The following ABHD17C variants were observed in gnomAD, a reference collection of about 807,000 sequenced individuals.
ABHD17C encodes the protein alpha/beta hydrolase domain-containing protein 17C.
ABHD17C carries 11 observed loss-of-function variants against 27.9 expected under a neutral mutation model. The ratio of observed to expected loss-of-function variants is 0.39; its 90% CI spans 0.25 to 0.65. The LOEUF (loss-of-function observed/expected upper bound fraction) is 0.65. Ranked by LOEUF, ABHD17C falls within the 30% of genes least tolerant of loss-of-function variation. The probability of loss-of-function intolerance (pLI) is 0.45; values close to 1 mark genes in which losing one functional copy is unlikely to be tolerated. For missense variants in ABHD17C, 280 were observed against 470.2 expected (o/e 0.60, Z 3.74); for synonymous variants, 233 against 209.1 (o/e 1.11, Z -0.98).
At chr15:80,703,536 C>T (rs1277976044) in intron 1 of ABHD17C, 1 of 152,200 alleles carries the variant, frequency 6.6e-6, no homozygotes, top group Non-Finnish European at 1.5e-5. Flanking sequence ...TTCTTAACTA[C>T]ACTGGGAAAT....
At chr15:80,716,158 G>C (rs183488606) in intron 1 of ABHD17C, among the ~76,000 whole-genome samples, 26 of 152,322 alleles carry the variant, frequency 1.7e-4, no homozygotes, top group East Asian at 7.7e-4. Flanking sequence ...CTAACTCTAA[G>C]AGGTAACTAA....
Position 80,754,277 on chromosome 15 carries a change from G to A in ABHD17C, c.897G>A (p.Trp299Ter). ...GTCCCCGAGCCGTGGAGCCCCTTTG[G>A]GTTGAAGGGGCTGGGCATAATGACA... ...ERCPRAVEPL[W>*]VEGAGHNDIE... is the part of the protein sequence containing the mutation. Residue 299 changes from tryptophan to a stop codon, truncating the protein, a stop_gained, in exon 3 of 3, where the codon TGG (tryptophan) becomes TGA (stop). Coordinates refer to ENST00000258884, the MANE Select transcript of ABHD17C (RefSeq NM_021214.2). LOFTEE classifies it high-confidence loss of function. The A allele has an allele frequency of 1.9e-6, 3 of 1,613,908 alleles. No individual in the cohort carries two copies. Among genetic ancestry groups the A allele is most frequent in the Non-Finnish European group, 2.5e-6 (3 of 1,179,838 alleles).
intron 1 of ABHD17C, among the ~76,000 whole-genome samples, chr15:80,729,485 AGTTAT>A (rs1269472982): frequency 6.6e-6 from 1 of 152,148 alleles, no homozygotes; most frequent in Admixed American, 6.5e-5. Context: ...ATACAAATGG[AGTTAT>A]GTTATGGAAA....
At position 80,754,079 on chromosome 15, in the gene ABHD17C, A is replaced by C. The variant is rs907107296; in HGVS notation, c.771-72A>C. The C allele has an allele frequency of 3.4e-6, 4 of 1,178,360 alleles. No homozygotes were observed. In the African/African-American group the frequency reaches 6.1e-5, roughly 18 times the overall value. 73.0% of individuals were successfully genotyped at this position (1,178,360 alleles called of 1,614,324 possible). On this transcript the variant is annotated intron_variant, in intron 2 of 2. Transcript: ENST00000258884. The stretch of plus-strand genomic sequence containing the variant: ...TGTGGAGATTATTAACTTATCATTA[A>C]ATGTGATGTGTATTATCTGTGAGCA...
At chr15:80,751,420 A>C (rs1214817903) in intron 2 of ABHD17C, among the ~76,000 whole-genome samples, 2 of 152,156 alleles carry the variant, frequency 1.3e-5, no homozygotes, top group East Asian at 3.8e-4. Flanking sequence ...TGAGGAAATG[A>C]GAGGTTAAGT....
At chr15:80,713,354 C>CTTTGTTTTTTTTTTTT (rs1894753351) in intron 1 of ABHD17C, among the ~76,000 whole-genome samples, 1 of 43,854 alleles carries the variant, frequency 2.3e-5, no homozygotes, top group Non-Finnish European at 3.7e-5. Context: ...AGGTCTTGTT[C>CTTTGTTTTTTTTTTTT]TTTTTTTTTT....
At chr15:80,727,847 C>T (rs1485205993) in intron 1 of ABHD17C, among the ~76,000 whole-genome samples, 2 of 152,120 alleles carry the variant, frequency 1.3e-5, no homozygotes, top group Non-Finnish European at 2.9e-5. Flanking sequence ...GGGTGACATC[C>T]ATAGGGATTG....
At chr15:80,696,277 G>C (rs950365680) in intron 1 of ABHD17C, among the ~76,000 whole-genome samples, 1 of 152,246 alleles carries the variant, frequency 6.6e-6, no homozygotes, top group Non-Finnish European at 1.5e-5. Flanking sequence ...TGGCTCGCCT[G>C]TGTGTCGCCG....
chr15:80,740,248 C>A (rs1263524690), intron 1 of ABHD17C, among the ~76,000 whole-genome samples: 2 of 152,050 alleles, frequency 1.3e-5, no homozygotes, highest in Non-Finnish European at 2.9e-5. Context: ...TGTTAGTATC[C>A]TTTCTTCTGA....
At chr15:80,707,266 G>T (rs577655659) in intron 1 of ABHD17C, among the ~76,000 whole-genome samples, 1 of 152,268 alleles carries the variant, frequency 6.6e-6, no homozygotes, top group East Asian at 1.9e-4. Context: ...GATTTTTAGG[G>T]GAATTCAATG....
chr15:80,720,232 T>C (rs191100020), intron 1 of ABHD17C, among the ~76,000 whole-genome samples: 405 of 152,194 alleles, frequency 2.7e-3, no homozygotes, highest in Non-Finnish European at 3.4e-3. Context: ...TTTCTCCCAA[T>C]TTAATTTTCT....
At chr15:80,723,560 T>C (rs1207251142) in intron 1 of ABHD17C, among the ~76,000 whole-genome samples, 3 of 152,238 alleles carry the variant, frequency 2.0e-5, no homozygotes, top group Non-Finnish European at 2.9e-5. Flanking sequence ...CCCCATCTTA[T>C]CAGTGTTCCA....
At chr15:80,719,536 T>G (rs1159223522) in intron 1 of ABHD17C, among the ~76,000 whole-genome samples, 6 of 152,226 alleles carry the variant, frequency 3.9e-5, no homozygotes, top group Non-Finnish European at 8.8e-5. Context: ...TTCCATTGAT[T>G]TCTATCATTT....
intron 1 of ABHD17C, among the ~76,000 whole-genome samples, chr15:80,707,598 A>G (rs974175435): frequency 6.6e-6 from 1 of 152,026 alleles, no homozygotes; most frequent in Admixed American, 6.5e-5. Flanking sequence ...AAAATCTCAC[A>G]ATGTTTTAAG....
Position 80,726,917 on chromosome 15 carries a change from A to G in ABHD17C, c.591-22596A>G, listed in dbSNP as rs527937484. Among the ~76,000 whole-genome samples the G allele has an allele frequency of 2.0e-4, 31 of 152,328 alleles. No individual in the cohort carries two copies. In the South Asian group the frequency reaches 4.8e-3, roughly 23 times the overall value. The stretch of plus-strand genomic sequence containing the variant: ...TTAAGTTGATCCCTTTATAAACTTT[A>G]TAAAATCTTTTTACATGTCTGTAGT... On this transcript the variant is annotated intron_variant, in intron 1 of 2. Coordinates refer to ENST00000258884, the MANE Select transcript of ABHD17C (RefSeq NM_021214.2).
chr15:80,731,095 G>A (rs554168647), intron 1 of ABHD17C, among the ~76,000 whole-genome samples: 2 of 152,292 alleles, frequency 1.3e-5, no homozygotes, highest in Non-Finnish European at 2.9e-5. Context: ...AGTCCCCGTC[G>A]TCTGTGTGGA....
At chr15:80,730,946 G>A (rs921580722) in intron 1 of ABHD17C, among the ~76,000 whole-genome samples, 3 of 152,162 alleles carry the variant, frequency 2.0e-5, no homozygotes, top group Non-Finnish European at 2.9e-5. Context: ...AAATCAGGGT[G>A]TAGGATTTGT....
chr15:80,710,269 G>A (rs1417590372), intron 1 of ABHD17C, among the ~76,000 whole-genome samples: 2 of 152,192 alleles, frequency 1.3e-5, no homozygotes, highest in Non-Finnish European at 2.9e-5. Flanking sequence ...AGGGGTGCAG[G>A]GGTAAGAGGA....
At chr15:80,722,689 A>G (rs1894914206) in intron 1 of ABHD17C, among the ~76,000 whole-genome samples, 1 of 152,112 alleles carries the variant, frequency 6.6e-6, no homozygotes, top group South Asian at 2.1e-4. Context: ...ATATAACTGA[A>G]ACTTGGTACC....
Sources: allele counts gnomAD v4.1 joint callset (sites outside exome capture counted in the v4.1 genomes callset), GRCh38; gene constraint gnomAD v4.1.1; transcripts MANE v1.5; gene names NCBI Gene and HGNC (gene_info 2026-07-23, HGNC 2026-07-21).